Variants in GAB2 observed in about 807,000 individuals in gnomAD.
The protein encoded by GAB2 is GRB2-associated-binding protein 2.
GAB2 carries 26 observed loss-of-function variants against 65.5 expected under a neutral mutation model. That is an observed-to-expected ratio of 0.40 (90% CI 0.29 to 0.55). GAB2 has a LOEUF of 0.55. Among genes scored for constraint, GAB2 ranks in the 20% least tolerant of loss-of-function variants. The pLI is 0.53. For missense variants in GAB2, 884 were observed against 875.8 expected, an observed-to-expected ratio of 1.01 and a Z score of -0.12; for synonymous variants, 321 against 329.6, an observed-to-expected ratio of 0.97 and a Z score of 0.28.
At chr11:78,390,712 GA>G (rs1480464857) in intron 1 of GAB2, among the ~76,000 whole-genome samples, 2 of 152,140 alleles carry the variant, frequency 1.3e-5, no homozygotes, top group African/African-American at 4.8e-5. Flanking sequence ...ACATCACTCC[GA>G]AAGACAGAAT....
intron 2 of GAB2, among the ~76,000 whole-genome samples, chr11:78,272,475 C>A (rs985574311): frequency 6.6e-6 from 1 of 152,128 alleles, no homozygotes; most frequent in Non-Finnish European, 1.5e-5. Flanking sequence ...TTTACCCCTG[C>A]CCTAGAGATT....
chr11:78,335,893 C>T (rs531604073), intron 1 of GAB2, among the ~76,000 whole-genome samples: 1 of 152,000 alleles, frequency 6.6e-6, no homozygotes, highest in Admixed American at 6.6e-5. Flanking sequence ...TTTCTGGTGC[C>T]TTCTTTAGTT....
At chr11:78,347,948 C>T (rs1856216492) in intron 1 of GAB2, among the ~76,000 whole-genome samples, 1 of 152,000 alleles carries the variant, frequency 6.6e-6, no homozygotes, top group Admixed American at 6.6e-5. Flanking sequence ...CTACTATAAA[C>T]AGTGGAATAA....
At chr11:78,284,241 T>G (rs1271485217) in intron 1 of GAB2, among the ~76,000 whole-genome samples, 1 of 152,230 alleles carries the variant, frequency 6.6e-6, no homozygotes, top group African/African-American at 2.4e-5. Context: ...TTGCTTCTCC[T>G]CACCTCCACT....
At position 78,216,376 on chromosome 11, in the gene GAB2, A is replaced by C. The variant is rs2134441189; in HGVS notation, c.*2896T>G. 6.6e-6 allele frequency: 1 copy of C among 152,128 alleles called. No homozygotes were observed. The highest frequency in any genetic ancestry group is 1.9e-4 in the East Asian group (1 of 5,176). The allele number at this position is 152,128 out of a possible 1,614,324, so 9.4% of individuals were successfully genotyped here. A position where few individuals can be genotyped will look rare whatever the true frequency, so the allele number is the denominator to read the frequency against. ...CCCCAGGAGAGGTGGACTTTGACCC[A>C]TGGATAGGCCAAAGGACCAGTTTTT... On this transcript the variant is annotated 3_prime_UTR_variant, in exon 10 of 10. Transcript: ENST00000361507.
At chr11:78,291,719 C>A (rs558931031) in intron 1 of GAB2, among the ~76,000 whole-genome samples, 132 of 148,348 alleles carry the variant, frequency 8.9e-4, no homozygotes, top group Non-Finnish European at 1.6e-3. Flanking sequence ...TCACAGGATG[C>A]GCCATCATAC....
At chr11:78,415,687 G>A (rs1397322257) in intron 1 of GAB2, among the ~76,000 whole-genome samples, 2 of 152,180 alleles carry the variant, frequency 1.3e-5, no homozygotes, top group Non-Finnish European at 2.9e-5. Flanking sequence ...GAGAGGCTAA[G>A]GCCATCATAC....
intron 2 of GAB2, among the ~76,000 whole-genome samples, chr11:78,278,068 CTTTT>C (rs538485770): frequency 3.7e-5 from 5 of 133,818 alleles, no homozygotes; most frequent in African/African-American, 5.5e-5. Flanking sequence ...TCTTCCCCTG[CTTTT>C]TTTTTTTTTT....
chr11:78,372,668 C>T (rs1022172650), intron 1 of GAB2, among the ~76,000 whole-genome samples: 2 of 152,076 alleles, frequency 1.3e-5, no homozygotes, highest in Non-Finnish European at 2.9e-5. Context: ...GTAGAAAGTC[C>T]AACAATCAAA....
intron 2 of GAB2, among the ~76,000 whole-genome samples, chr11:78,276,841 G>A (rs551997334): frequency 5.3e-5 from 8 of 151,842 alleles, no homozygotes; most frequent in East Asian, 3.9e-4. Flanking sequence ...TTTTTGAGAC[G>A]AAGTCTCGTT....
intron 2 of GAB2, among the ~76,000 whole-genome samples, chr11:78,277,214 A>G (rs1866196097): frequency 1.3e-5 from 2 of 152,246 alleles, no homozygotes; most frequent in African/African-American, 4.8e-5. Flanking sequence ...CCACAAGAAA[A>G]TAATTCAATT....
rs777023521 is a variant in GAB2 at position 78,250,370 on chromosome 11, T to A, written c.407A>T (p.His136Leu). The stretch of plus-strand genomic sequence containing the variant: ...CTCAGCTGGAGAAGAGCGGGGGCCA[T>A]GACCGGCTGAGGAAACATTTCTCAG... Reference protein sequence around the residue: ...DSLRNVSSAGHGPRSSPAELS... With the variant: ...DSLRNVSSAGLGPRSSPAELS... The change falls in exon 3 of 10, where the codon CAT becomes CTT. Residue 136 changes from histidine to leucine, a missense_variant. Transcript: ENST00000361507. 44 of 1,613,232 alleles carry A rather than the reference T, an allele frequency of 2.7e-5. No individual in the cohort carries two copies. Among genetic ancestry groups the A allele is most frequent in the Non-Finnish European group, 3.6e-5 (42 of 1,179,582 alleles).
Position 78,241,446 on chromosome 11 carries a change from G to A in GAB2, c.620+8711C>T, listed in dbSNP as rs189893943. Among the ~76,000 whole-genome samples the A allele has an allele frequency of 2.0e-3, 305 of 152,218 alleles. 1 individual carries two copies. The highest frequency in any genetic ancestry group is 7.1e-3 in the African/African-American group (295 of 41,532). The stretch of plus-strand genomic sequence containing the variant: ...ACCAAAAAAGCACCAAAGGAACTCT[G>A]GCTAGTAACTAGAGCCCAGTGAAAA... On this transcript the variant is annotated intron_variant, in intron 3 of 9. Transcript: ENST00000361507.
chr11:78,405,710 G>A (rs114753900), intron 1 of GAB2, among the ~76,000 whole-genome samples: 3,295 of 152,142 alleles, frequency 0.022, 119 homozygotes, highest in African/African-American at 0.069. Flanking sequence ...AAGAGTAGGC[G>A]GCAGATTTGC....
chr11:78,319,204 C>T (rs149746381), intron 1 of GAB2, among the ~76,000 whole-genome samples: 29 of 152,226 alleles, frequency 1.9e-4, no homozygotes, highest in African/African-American at 3.6e-4. Flanking sequence ...TTTTTTCCTC[C>T]ATTTTTTCCT....
intron 2 of GAB2, among the ~76,000 whole-genome samples, chr11:78,269,403 C>T (rs1457330902): frequency 6.6e-6 from 1 of 152,156 alleles, no homozygotes; most frequent in African/African-American, 2.4e-5. Context: ...AAGGCTTCTC[C>T]CTGGCTCTCT....
At chr11:78,279,299 GATAGTA>G (rs1177673824) in intron 2 of GAB2, among the ~76,000 whole-genome samples, 1 of 152,158 alleles carries the variant, frequency 6.6e-6, no homozygotes, top group Non-Finnish European at 1.5e-5. Context: ...AGAACTTCAA[GATAGTA>G]ATAGTGGAGT....
At chr11:78,337,431 G>C (rs1856020834) in intron 1 of GAB2, among the ~76,000 whole-genome samples, 1 of 152,176 alleles carries the variant, frequency 6.6e-6, no homozygotes, top group Non-Finnish European at 1.5e-5. Context: ...ATTCCCCACA[G>C]TGATGTCACA....
chr11:78,298,786 G>A (rs1866910414), intron 1 of GAB2, among the ~76,000 whole-genome samples: 1 of 152,206 alleles, frequency 6.6e-6, no homozygotes, highest in Non-Finnish European at 1.5e-5. Flanking sequence ...TGGGGGAAGA[G>A]TAGACAAATG....
Sources: allele counts gnomAD v4.1 joint callset (sites outside exome capture counted in the v4.1 genomes callset), GRCh38; gene constraint gnomAD v4.1.1; transcripts MANE v1.5; gene names NCBI Gene and HGNC (gene_info 2026-07-23, HGNC 2026-07-21).